INSL6: variants seen among roughly 807,000 people sequenced by gnomAD.
INSL6 encodes insulin-like peptide INSL6.
INSL6 carries 16 observed loss-of-function variants against 9.4 expected under a neutral mutation model. The observed-to-expected ratio is 1.70, with a 90% CI of 1.15 to 2.59. The LOEUF (loss-of-function observed/expected upper bound fraction) is 2.59. INSL6 is among the 30% of genes most tolerant of loss of function. INSL6 has a pLI of 0.00. For missense variants in INSL6, 391 were observed against 257.3 expected (o/e 1.52, Z -3.56); for synonymous variants, 154 against 96.9 (o/e 1.59, Z -3.46).
chr9:5,129,247 C>T (rs762517472), intron 3 of INSL6, among the ~76,000 whole-genome samples: 1 of 152,070 alleles, frequency 6.6e-6, no homozygotes, highest in Non-Finnish European at 1.5e-5. Context: ...ATTTCTTTAG[C>T]ATGCTCCCCC....
the INSL6 span, chr9:5,096,818 C>G: frequency 6.6e-6 from 1 of 152,096 alleles, no homozygotes; most frequent in Non-Finnish European, 1.5e-5. Flanking sequence ...TAGGAGATGA[C>G]CAGATCTATA....
At chr9:5,148,246 C>A (rs1267082537) in intron 2 of INSL6, among the ~76,000 whole-genome samples, 1 of 152,106 alleles carries the variant, frequency 6.6e-6, no homozygotes, top group African/African-American at 2.4e-5. Context: ...AGGGTCAGTA[C>A]AGGGTCTTTG....
At chr9:5,054,003 G>T in the INSL6 span, among the ~76,000 whole-genome samples, 1 of 152,108 alleles carries the variant, frequency 6.6e-6, no homozygotes, top group East Asian at 1.9e-4. This position sits in a 1 kb window ranked among gnomAD's most constrained non-coding sequence, Gnocchi z 4.9. Flanking sequence ...AGAGATGAAT[G>T]TACAGAAAAG....
downstream of INSL6, among the ~76,000 whole-genome samples, chr9:5,162,101 A>G (rs1201553167): frequency 6.6e-6 from 1 of 152,134 alleles, no homozygotes; most frequent in Non-Finnish European, 1.5e-5. Flanking sequence ...TTTCTACTTA[A>G]GATTTTATTG....
At chr9:5,054,689 C>A in the INSL6 span, 1 of 1,613,380 alleles carries the variant, frequency 6.2e-7, no homozygotes, top group Admixed American at 1.7e-5. The surrounding 1 kb of genome is among the most constrained non-coding windows in gnomAD (Gnocchi z 4.9). Context: ...AAGCCACTGC[C>A]AGAAACTTGA....
At chr9:5,123,893 T>A (rs1204704948) in exon 4 of INSL6, among the ~76,000 whole-genome samples, 1 of 150,022 alleles carries the variant, frequency 6.7e-6, no homozygotes, top group African/African-American at 2.5e-5. Flanking sequence ...TTTCTCTTTT[T>A]TTTTTTTGTC....
At chr9:5,152,327 G>A (rs980843439) in intron 2 of INSL6, among the ~76,000 whole-genome samples, 1 of 151,842 alleles carries the variant, frequency 6.6e-6, no homozygotes, top group Non-Finnish European at 1.5e-5. Context: ...TATTATTTAT[G>A]GAACATAAAA....
chr9:5,131,735 C>T (rs548816246), intron 3 of INSL6, among the ~76,000 whole-genome samples: 27 of 152,204 alleles, frequency 1.8e-4, no homozygotes, highest in Middle Eastern at 3.4e-3. Context: ...GCACTGCGCC[C>T]GGCCCAGTTA....
chr9:5,052,752 CA>C, the INSL6 span, among the ~76,000 whole-genome samples: 3 of 152,014 alleles, frequency 2.0e-5, no homozygotes, highest in African/African-American at 4.8e-5. Context: ...TGTGGTGTGG[CA>C]TTTTTTTTGT....
At chr9:5,061,094 A>G in the INSL6 span, among the ~76,000 whole-genome samples, 1 of 152,224 alleles carries the variant, frequency 6.6e-6, no homozygotes, top group Non-Finnish European at 1.5e-5. Flanking sequence ...AAACCATGCT[A>G]TAAACAATAG....
At chr9:5,112,210 C>T in the INSL6 span, 2 of 273,080 alleles carry the variant, frequency 7.3e-6, no homozygotes, top group Non-Finnish European at 1.5e-5. Context: ...CCCCATGCTG[C>T]TGGTGGGGGC....
At chr9:5,090,105 G>A in the INSL6 span, among the ~76,000 whole-genome samples, 7 of 152,136 alleles carry the variant, frequency 4.6e-5, no homozygotes, top group East Asian at 1.4e-3. Context: ...CATTTTTAAA[G>A]GAATTGTTTT....
At chr9:5,170,447 C>G (rs1455263957) in intron 1 of INSL6, among the ~76,000 whole-genome samples, 1 of 151,818 alleles carries the variant, frequency 6.6e-6, no homozygotes, top group Non-Finnish European at 1.5e-5. Context: ...AAGTAGAGAA[C>G]CAAGAGCAAA....
the INSL6 span, among the ~76,000 whole-genome samples, chr9:5,033,454 T>G: frequency 6.6e-6 from 1 of 152,148 alleles, no homozygotes; most frequent in Admixed American, 6.5e-5. Context: ...TCACCAAAGT[T>G]GAAATGAAGG....
At chr9:5,087,003 TA>T in the INSL6 span, among the ~76,000 whole-genome samples, 1 of 152,206 alleles carries the variant, frequency 6.6e-6, no homozygotes, top group African/African-American at 2.4e-5. Flanking sequence ...TTAGCATTTT[TA>T]AATTGTGCTT....
At chr9:5,101,253 C>A in the INSL6 span, among the ~76,000 whole-genome samples, 1 of 152,356 alleles carries the variant, frequency 6.6e-6, no homozygotes, top group South Asian at 2.1e-4. Context: ...TTGGCAGGTC[C>A]CACACCCACG....
chr9:5,051,310 G>T, the INSL6 span, among the ~76,000 whole-genome samples: 2 of 152,046 alleles, frequency 1.3e-5, no homozygotes, highest in African/African-American at 4.8e-5. Flanking sequence ...AAGTTCAGAG[G>T]AACAGAAGAA....
At chr9:5,167,396 G>A (rs1825079411) in intron 1 of INSL6, among the ~76,000 whole-genome samples, 1 of 152,238 alleles carries the variant, frequency 6.6e-6, no homozygotes, top group South Asian at 2.1e-4. Flanking sequence ...AGAGGCAGCT[G>A]CCATTACTGT....
the INSL6 span, among the ~76,000 whole-genome samples, chr9:5,077,998 T>A: frequency 3.9e-4 from 59 of 152,172 alleles, no homozygotes; most frequent in Non-Finnish European, 6.9e-4. Context: ...GCTGCAGAAC[T>A]GAAGTAGTAT....
Sources: gnomAD v4.1 joint callset for allele counts (sites outside exome capture counted in the v4.1 genomes callset) on GRCh38, gnomAD v4.1.1 for gene constraint, Gnocchi (gnomAD v3.1) non-coding constraint, MANE v1.5 for transcripts, NCBI Gene and HGNC (gene_info 2026-07-23, HGNC 2026-07-21) for gene names.